HCN1: variants seen among roughly 807,000 people sequenced by gnomAD.
The protein encoded by HCN1 is potassium/sodium hyperpolarization-activated cyclic nucleotide-gated channel 1.
Under a neutral mutation model 78.9 loss-of-function variants are expected in HCN1, and 13 were observed. That is an observed-to-expected ratio of 0.16 (90% CI 0.11 to 0.26). The LOEUF is 0.26. Ranked by LOEUF, HCN1 falls within the 10% of genes least tolerant of loss-of-function variation. HCN1 has a pLI of 1.00. For synonymous variants in HCN1, 552 were observed against 455.5 expected (o/e 1.21, Z -2.70); for missense variants, 810 against 1,154.3 (o/e 0.70, Z 4.32).
chr5:45,346,635 C>A (rs528858898), intron 5 of HCN1, among the ~76,000 whole-genome samples: 12 of 152,230 alleles, frequency 7.9e-5, no homozygotes, highest in African/African-American at 2.9e-4. Flanking sequence ...ACAGATGGCA[C>A]CTGGAAAATC....
intron 5 of HCN1, among the ~76,000 whole-genome samples, chr5:45,347,648 A>T (rs1392101653): frequency 2.0e-5 from 3 of 152,152 alleles, no homozygotes; most frequent in Non-Finnish European, 2.9e-5. Flanking sequence ...AACTAGAATA[A>T]CCAATATAGA....
chr5:45,669,585 G>T (rs1202200750), intron 1 of HCN1, among the ~76,000 whole-genome samples: 6 of 151,746 alleles, frequency 4.0e-5, no homozygotes, highest in Non-Finnish European at 7.4e-5. Flanking sequence ...ACTATACATA[G>T]AAAGAAGAAA....
intron 2 of HCN1, among the ~76,000 whole-genome samples, chr5:45,554,366 A>G (rs1743429834): frequency 6.6e-6 from 1 of 151,840 alleles, no homozygotes; most frequent in Non-Finnish European, 1.5e-5. Context: ...TGACCCTGAT[A>G]AAATGTAATC....
chr5:45,332,526 C>T (rs976859311), intron 5 of HCN1, among the ~76,000 whole-genome samples: 1 of 151,130 alleles, frequency 6.6e-6, no homozygotes, highest in African/African-American at 2.4e-5. Context: ...TACTCTCTAT[C>T]TCCATGAGTT....
chr5:45,548,195 G>A (rs923353747), intron 2 of HCN1, among the ~76,000 whole-genome samples: 2 of 151,384 alleles, frequency 1.3e-5, no homozygotes, highest in African/African-American at 4.9e-5. Flanking sequence ...TTCTTATCCT[G>A]CCAATTAACT....
At chr5:45,316,594 T>A (rs1194346990) in intron 5 of HCN1, among the ~76,000 whole-genome samples, 1 of 152,026 alleles carries the variant, frequency 6.6e-6, no homozygotes. Context: ...AAATAAAGGG[T>A]ATTCAATTAC....
chr5:45,573,887 A>C (rs1277982003), intron 2 of HCN1, among the ~76,000 whole-genome samples: 1 of 152,092 alleles, frequency 6.6e-6, no homozygotes, highest in Non-Finnish European at 1.5e-5. Flanking sequence ...CTTTCTGAAC[A>C]AAAAAAGATA....
At chr5:45,480,597 C>T (rs1741629051) in intron 2 of HCN1, among the ~76,000 whole-genome samples, 1 of 152,028 alleles carries the variant, frequency 6.6e-6, no homozygotes, top group African/African-American at 2.4e-5. Context: ...GGACAGAGAT[C>T]ATATCTTAAC....
chr5:45,383,443 C>A (rs1184162979), intron 4 of HCN1, among the ~76,000 whole-genome samples: 1 of 152,118 alleles, frequency 6.6e-6, no homozygotes. Context: ...TGCCTGTAAT[C>A]CCAGAATTTT....
At chr5:45,527,370 A>G (rs932358354) in intron 2 of HCN1, among the ~76,000 whole-genome samples, 52 of 2,422 alleles carry the variant, frequency 0.021, 3 homozygotes, top group Non-Finnish European at 0.047. Flanking sequence ...CCATGTTATC[A>G]TCAGCTTAAT....
chr5:45,491,862 C>G (rs1741891886), intron 2 of HCN1, among the ~76,000 whole-genome samples: 1 of 152,056 alleles, frequency 6.6e-6, no homozygotes, highest in East Asian at 1.9e-4. Flanking sequence ...GGCTGGGGTT[C>G]TCTATTTTTC....
At chr5:45,441,199 T>C (rs1287880382) in intron 3 of HCN1, among the ~76,000 whole-genome samples, 1 of 152,184 alleles carries the variant, frequency 6.6e-6, no homozygotes, top group Non-Finnish European at 1.5e-5. Context: ...GCTTGACATA[T>C]TTTATAGCTG....
chr5:45,320,604 A>G (rs1264480908), intron 5 of HCN1, among the ~76,000 whole-genome samples: 1 of 151,850 alleles, frequency 6.6e-6, no homozygotes, highest in Non-Finnish European at 1.5e-5. Context: ...ATCCCAGGGC[A>G]GCCTGGCTTG....
At chr5:45,414,686 C>T (rs567815398) in intron 3 of HCN1, among the ~76,000 whole-genome samples, 1 of 152,144 alleles carries the variant, frequency 6.6e-6, no homozygotes, top group African/African-American at 2.4e-5. Flanking sequence ...AGAGTGCATA[C>T]TTATCAAACA....
At chr5:45,370,256 C>A (rs1372044664) in intron 4 of HCN1, among the ~76,000 whole-genome samples, 1 of 151,798 alleles carries the variant, frequency 6.6e-6, no homozygotes, top group East Asian at 1.9e-4. Flanking sequence ...CCAATATTAT[C>A]AAATTAAAAC....
intron 2 of HCN1, among the ~76,000 whole-genome samples, chr5:45,513,141 T>G (rs1742448993): frequency 6.6e-6 from 1 of 152,154 alleles, no homozygotes; most frequent in Non-Finnish European, 1.5e-5. Context: ...CCCCTAGATT[T>G]TGGCATTACC....
At chr5:45,441,097 A>G (rs188883210) in intron 3 of HCN1, among the ~76,000 whole-genome samples, 1 of 152,170 alleles carries the variant, frequency 6.6e-6, no homozygotes, top group Non-Finnish European at 1.5e-5. Context: ...TGGGGATGGC[A>G]TATAGGAACT....
intron 1 of HCN1, among the ~76,000 whole-genome samples, chr5:45,679,547 AT>A (rs1337134538): frequency 1.3e-5 from 2 of 152,078 alleles, no homozygotes; most frequent in East Asian, 3.9e-4. Context: ...ATGCATTTCA[AT>A]AAAAATGACA....
chr5:45,364,236 C>T (rs921237776), intron 4 of HCN1, among the ~76,000 whole-genome samples: 2 of 152,088 alleles, frequency 1.3e-5, no homozygotes, highest in African/African-American at 4.8e-5. Flanking sequence ...ACGTATTTTC[C>T]TTGGACAATC....
Sources: gnomAD v4.1 joint callset for allele counts (sites outside exome capture counted in the v4.1 genomes callset) on GRCh38, gnomAD v4.1.1 for gene constraint, MANE v1.5 for transcripts, NCBI Gene and HGNC (gene_info 2026-07-23, HGNC 2026-07-21) for gene names.